The following PHRF1 variants were observed in gnomAD, a reference collection of about 807,000 sequenced individuals.
PHRF1 encodes the protein PHD and RING finger domain-containing protein 1.
PHRF1 carries 53 observed loss-of-function variants against 128.9 expected under a neutral mutation model. That is an observed-to-expected ratio of 0.41 (90% CI 0.33 to 0.52). The LOEUF (loss-of-function observed/expected upper bound fraction) is 0.52. PHRF1 is among the 20% of genes least tolerant of loss of function. PHRF1 has a pLI of 0.21. For synonymous variants in PHRF1, 1,178 were observed against 980.6 expected, an observed-to-expected ratio of 1.20 and a Z score of -3.76; for missense variants, 2,503 against 2,284.5, an observed-to-expected ratio of 1.10 and a Z score of -1.95.
chr11:603,561 C>G (rs1855763752), intron 10 of PHRF1, among the ~76,000 whole-genome samples: 1 of 151,986 alleles, frequency 6.6e-6, no homozygotes. Flanking sequence ...TCTTGAACTC[C>G]TAGGCTCAAA....
At position 610,273 on chromosome 11, in the gene PHRF1, C is replaced by G; in HGVS notation, c.4342C>G (p.Gln1448Glu). The change falls in exon 15 of 18, where the codon CAG (glutamine) becomes GAG (glutamate). Residue 1448 changes from glutamine (Q) to glutamate (E), a missense_variant. Physicochemically the swap from Gln to Glu is conservative, Grantham distance 29. Coordinates refer to ENST00000264555, the MANE Select transcript of PHRF1 (RefSeq NM_001286581.2). The stretch of plus-strand genomic sequence containing the variant: ...GGATGTGGCCCCCACAGGGGTCAGG[C>G]AGGTGTTCTCCGAGCTGCCCTTTCC... ...MEDVAPTGVRQVFSELPFPSH... is the reference protein window; with the variant it reads ...MEDVAPTGVREVFSELPFPSH... The G allele has an allele frequency of 6.4e-7, 1 of 1,558,508 alleles. No individual in the cohort carries two copies. The highest frequency in any genetic ancestry group is 2.4e-5 in the East Asian group (1 of 41,456).
Position 581,966 on chromosome 11 carries a change from A to G in PHRF1, c.99A>G (p.Glu33=), listed in dbSNP as rs1455063659. The change falls in exon 3 of 18, where the codon GAA becomes GAG. Residue 33 remains glutamate (E), a synonymous_variant. Coordinates refer to ENST00000264555, the MANE Select transcript of PHRF1 (RefSeq NM_001286581.2). Reference sequence around the variant, plus strand: ...GTGTCTCACCCTGGTGTCTAGAAGAAAGCAGCGTGGGCAGCAGTGGGGACT... The same window carrying G: ...GTGTCTCACCCTGGTGTCTAGAAGAGAGCAGCGTGGGCAGCAGTGGGGACT... ...GPADPAGDFE[E]SSVGSSGDSG... The G allele has an allele frequency of 6.9e-6, 11 of 1,597,592 alleles. No homozygotes were observed. The East Asian group carries it at 2.3e-4, about 33-fold the overall frequency.
intron 16 of PHRF1, 36 bp downstream of exon 16, chr11:610,797 C>T (rs544689640): frequency 6.3e-6 from 10 of 1,591,502 alleles, no homozygotes; most frequent in Middle Eastern, 1.7e-4. Flanking sequence ...CCCATGTTCC[C>T]ATCTTACTTT....
Position 610,333 on chromosome 11 carries a change from A to G in PHRF1, c.4402A>G (p.Thr1468Ala), listed in dbSNP as rs957162352. The part of the protein sequence containing the change: ...HVLPEPGFPD[T>A]DPSQVYSPGL... Reference sequence around the variant, plus strand: ...GCTTCCGGAACCCGGGTTCCCAGACACAGACCCCTCTCAGGTGGGTGTCTG... The same window carrying G: ...GCTTCCGGAACCCGGGTTCCCAGACGCAGACCCCTCTCAGGTGGGTGTCTG... Residue 1468 changes from threonine (T) to alanine (A), a missense_variant, in exon 15 of 18, where the codon ACA (threonine) becomes GCA (alanine). By Grantham distance (58) the Thr-to-Ala change is moderately conservative (BLOSUM62 0). Transcript: ENST00000264555. The G allele has an allele frequency of 1.9e-6, 3 of 1,566,118 alleles. No homozygotes were observed. Among genetic ancestry groups the G allele is most frequent in the African/African-American group, 1.4e-5 (1 of 73,624 alleles).
chr11:599,075 C>A (rs940686360), intron 9 of PHRF1, among the ~76,000 whole-genome samples: 1 of 152,166 alleles, frequency 6.6e-6, no homozygotes, highest in African/African-American at 2.4e-5. Context: ...TTGTCAGACA[C>A]CCCCGGCGCT....
At chr11:609,798 C>T (rs1249335262) in intron 14 of PHRF1, 78 bp downstream of exon 14, 2 of 1,019,056 alleles carry the variant, frequency 2.0e-6, no homozygotes, top group Non-Finnish European at 2.6e-6. Context: ...GACAGAGCCC[C>T]CCGTGAGTAA....
At position 605,740 on chromosome 11, in the gene PHRF1, G is replaced by A. The variant is rs770298570; in HGVS notation, c.1454+16G>A. 12 of 1,598,124 alleles carry A rather than the reference G, an allele frequency of 7.5e-6. No individual in the cohort carries two copies. The highest frequency in any genetic ancestry group is 9.4e-6 in the Non-Finnish European group (11 of 1,176,336). ...GGCTTTCCAGGTGTGTGAGGGCAGA[G>A]GCTTCTGGGGAGGTGGGGGCAGCAG... On this transcript the variant is annotated intron_variant, in intron 12 of 17. Transcript: ENST00000264555.
intron 3 of PHRF1, among the ~76,000 whole-genome samples, chr11:585,242 G>C (rs925246733): frequency 5.9e-5 from 9 of 151,320 alleles, no homozygotes; most frequent in African/African-American, 2.2e-4. Context: ...GCCCTTTCCA[G>C]CTTGAGGTAG....
intron 4 of PHRF1, among the ~76,000 whole-genome samples, chr11:589,842 C>T (rs1488915855): frequency 2.1e-5 from 3 of 143,188 alleles, no homozygotes; most frequent in Non-Finnish European, 4.5e-5. Context: ...GAGAGAGAGT[C>T]TGCAAACGGG....
rs1856098803 is a variant in PHRF1 at position 608,406 on chromosome 11, G to A, written c.2950G>A (p.Val984Ile). The A allele has an allele frequency of 6.2e-7, 1 of 1,611,558 alleles. No individual in the cohort carries two copies. The highest frequency in any genetic ancestry group is 1.1e-5 in the South Asian group (1 of 90,950). Residue 984 changes from valine to isoleucine, a missense_variant, in exon 14 of 18, where the codon GTC (valine) becomes ATC (isoleucine). Physicochemically the swap from Val to Ile is conservative, Grantham distance 29 (BLOSUM62 3). Transcript: ENST00000264555. ...PDVLQAATHR[V>I]VELRPPSRSR... ...CGTGCTGCAGGCTGCCACCCACAGA[G>A]TCGTGGAGCTCAGGCCCCCTTCCCG...
At position 607,737 on chromosome 11, in the gene PHRF1, C is replaced by T. The variant is rs767179863; in HGVS notation, c.2281C>T (p.Pro761Ser). Residue 761 changes from proline to serine, a missense_variant, in exon 14 of 18, where the codon CCA becomes TCA. Physicochemically the swap from Pro to Ser is moderately conservative, Grantham distance 74 (BLOSUM62 -1). Transcript: ENST00000264555. ...PAPSSHGSLA[P>S]LGPSRGKGVG... is the part of the protein sequence containing the mutation. ...CCCCAGCTCCCATGGCAGTTTGGCC[C>T]CACTGGGACCATCAAGAGGGAAAGG... 23 of 1,612,114 alleles carry T rather than the reference C, an allele frequency of 1.4e-5. No individual in the cohort carries two copies. The highest frequency in any genetic ancestry group is 2.0e-5 in the Non-Finnish European group (23 of 1,179,470).
rs146958536 is a variant in PHRF1 at position 589,184 on chromosome 11, T to C, written c.420+1720T>C. ...ACAGATGAACTGTTAAAATGCTGCT[T>C]AGCGAGATTATTGGATACGAGGTTA... On this transcript the variant is annotated intron_variant, in intron 4 of 17. Coordinates refer to ENST00000264555, the MANE Select transcript of PHRF1 (RefSeq NM_001286581.2). 7.2e-5 allele frequency among the ~76,000 whole-genome samples: 11 copies of C among 152,128 alleles called. No individual in the cohort carries two copies. In the East Asian group the frequency reaches 2.1e-3, roughly 29 times the overall value.
Position 598,445 on chromosome 11 carries a change from G to T in PHRF1, c.967G>T (p.Ala323Ser). ...GGCTGTGGCGACTGGCCTGAGCACT[G>T]CCGTGTATCAGCGCCCCCTGACGCC... is the stretch of plus-strand genomic sequence containing the variant. ...IEAVATGLST[A>S]VYQRPLTPRT... Residue 323 changes from alanine to serine, a missense_variant, in exon 9 of 18, where the codon GCC becomes TCC. Physicochemically the swap from Ala to Ser is moderately conservative, Grantham distance 99. Coordinates refer to ENST00000264555, the MANE Select transcript of PHRF1 (RefSeq NM_001286581.2). The T allele has an allele frequency of 6.2e-7, 1 of 1,611,200 alleles. No individual in the cohort carries two copies. Among genetic ancestry groups the T allele is most frequent in the Non-Finnish European group, 8.5e-7 (1 of 1,179,764 alleles).
chr11:577,011 C>G (rs536787951), intron 1 of PHRF1, among the ~76,000 whole-genome samples: 1 of 152,322 alleles, frequency 6.6e-6, no homozygotes, highest in South Asian at 2.1e-4. Context: ...CGCCCATGCC[C>G]CCTGCGAGTC....
At chr11:591,575 T>A in intron 5 of PHRF1, 108 bp downstream of exon 5, 1 of 922,644 alleles carries the variant, frequency 1.1e-6, no homozygotes, top group Non-Finnish European at 1.6e-6. Flanking sequence ...GAGGGTTGGT[T>A]AAATGCTTCA....
rs775670699 is a variant in PHRF1, at chr11:609,289, C to T, written c.3833C>T (p.Ala1278Val). Reference sequence around the variant, plus strand: ...GTCTTTGATGATTTCTCAAGCGACGCCGTTTTCATCCAGCTCGATGACATG... The same window carrying T: ...GTCTTTGATGATTTCTCAAGCGACGTCGTTTTCATCCAGCTCGATGACATG... ...GHVFDDFSSD[A>V]VFIQLDDMSS... The change falls in exon 14 of 18, where the codon GCC becomes GTC. Residue 1278 changes from alanine (A) to valine (V), a missense_variant. Coordinates refer to ENST00000264555, the MANE Select transcript of PHRF1 (RefSeq NM_001286581.2). 1 of 1,612,406 alleles carries T rather than the reference C, an allele frequency of 6.2e-7. No homozygotes were observed. Among genetic ancestry groups the T allele is most frequent in the African/African-American group, 1.3e-5 (1 of 74,940 alleles).
At chr11:588,139 C>T (rs748975555) in intron 4 of PHRF1, among the ~76,000 whole-genome samples, 14 of 152,154 alleles carry the variant, frequency 9.2e-5, no homozygotes, top group Non-Finnish European at 2.1e-4. Context: ...CGTGCTGTCC[C>T]CGGCTCTCTT....
intron 13 of PHRF1, 124 bp from the exon 14 acceptor site, chr11:606,942 C>T (rs1855984651): frequency 1.4e-6 from 2 of 1,432,534 alleles, no homozygotes; most frequent in East Asian, 2.3e-5. Flanking sequence ...GTGTCCACCT[C>T]AACAGGCAGA....
intron 5 of PHRF1, 29 bp from the exon 6 acceptor site, chr11:592,530 T>TG: frequency 1.2e-6 from 2 of 1,603,784 alleles, no homozygotes; most frequent in Non-Finnish European, 1.7e-6. Context: ...TTGGGTCCTG[T>TG]GTGGTGGTGA....
Sources: allele counts gnomAD v4.1 joint callset (sites outside exome capture counted in the v4.1 genomes callset), GRCh38; gene constraint gnomAD v4.1.1; transcripts MANE v1.5; gene names NCBI Gene and HGNC (gene_info 2026-07-23, HGNC 2026-07-21).